DENND2C: variants seen among roughly 807,000 people sequenced by gnomAD.
The protein encoded by DENND2C is DENN domain-containing protein 2C.
DENND2C carries 72 observed loss-of-function variants against 112.4 expected under a neutral mutation model. The ratio of observed to expected loss-of-function variants is 0.64; its 90% CI spans 0.53 to 0.78. DENND2C has a LOEUF of 0.78. DENND2C is among the 30% of genes least tolerant of loss of function. The probability of loss-of-function intolerance (pLI) is 0.00; values close to 1 mark genes in which losing one functional copy is unlikely to be tolerated. For synonymous variants in DENND2C, 329 were observed against 381.6 expected (o/e 0.86, Z 1.61); for missense variants, 992 against 1,113.8 (o/e 0.89, Z 1.56).
At chr1:114,595,765 G>T in intron 17 of DENND2C, 67 bp downstream of exon 17, 1 of 1,395,986 alleles carries the variant, frequency 7.2e-7, no homozygotes, top group Non-Finnish European at 1.0e-6. Context: ...TTCACATATT[G>T]TCTGTCCAAT....
intron 1 of DENND2C, among the ~76,000 whole-genome samples, chr1:114,662,792 CA>C (rs1031114706): frequency 3.3e-5 from 5 of 152,042 alleles, no homozygotes; most frequent in Non-Finnish European, 7.4e-5. Flanking sequence ...CCCATCTCTA[CA>C]AAAAGTTTTT....
chr1:114,597,446 A>T (rs1655374215), intron 16 of DENND2C, among the ~76,000 whole-genome samples: 1 of 151,786 alleles, frequency 6.6e-6, no homozygotes, highest in Non-Finnish European at 1.5e-5. Flanking sequence ...CTTCATCTCA[A>T]AAAGAAAAGA....
intron 2 of DENND2C, among the ~76,000 whole-genome samples, chr1:114,650,338 T>TGCAATTTTCAAGAATTTCA (rs1043731231): frequency 6.8e-6 from 1 of 146,348 alleles, no homozygotes; most frequent in Non-Finnish European, 1.5e-5. Context: ...AAAAAAAAGA[T>TGCAATTTTCAAGAATTTCA]GCAATTTTCA....
chr1:114,653,620 T>G (rs554785014), intron 2 of DENND2C, among the ~76,000 whole-genome samples: 9 of 152,184 alleles, frequency 5.9e-5, no homozygotes, highest in Admixed American at 1.3e-4. Flanking sequence ...ATTTTATAAC[T>G]TTTTATAATG....
intron 16 of DENND2C, among the ~76,000 whole-genome samples, chr1:114,598,246 GAA>G (rs1185534630): frequency 6.6e-6 from 1 of 152,108 alleles, no homozygotes; most frequent in Non-Finnish European, 1.5e-5. Context: ...GAATGGATAA[GAA>G]AATTGTGGTA....
At position 114,623,656 on chromosome 1, in the gene DENND2C, G is replaced by A. The variant is rs1319634746; in HGVS notation, c.807-13C>T. Reference sequence around the variant, plus strand: ...TTCAAAGGATTTCCTTAAAAAAGGAGATATATTTTAAAGTTATATCTTTCA... The same window carrying A: ...TTCAAAGGATTTCCTTAAAAAAGGAAATATATTTTAAAGTTATATCTTTCA... On this transcript the variant is annotated splice_polypyrimidine_tract_variant and intron_variant, in intron 4 of 20. Transcript: ENST00000393274. The A allele has an allele frequency of 1.9e-6, 3 of 1,571,202 alleles. No individual in the cohort carries two copies. The highest frequency in any genetic ancestry group is 1.2e-5 in the South Asian group (1 of 84,002).
chr1:114,666,638 A>G (rs1335191799), intron 1 of DENND2C, among the ~76,000 whole-genome samples: 1 of 152,118 alleles, frequency 6.6e-6, no homozygotes, highest in Non-Finnish European at 1.5e-5. Flanking sequence ...GTATTTTAGT[A>G]GAGATGGGGT....
rs1268654174 is a variant in DENND2C, at chr1:114,626,076, C to G, written c.-92G>C. On this transcript the variant is annotated 5_prime_UTR_variant, in exon 4 of 21. Coordinates refer to ENST00000393274, the MANE Select transcript of DENND2C (RefSeq NM_001256404.2). ...ATTGTATTCTTTATCCTGTCAGAAT[C>G]CAAATGATTCCAGTATTTTCCCTTC... 3 of 1,258,982 alleles carry G rather than the reference C, an allele frequency of 2.4e-6. No individual in the cohort carries two copies. Among genetic ancestry groups the G allele is most frequent in the Non-Finnish European group, 3.3e-6 (3 of 919,286 alleles). 78.0% of individuals were successfully genotyped at this position (1,258,982 alleles called of 1,614,324 possible).
intron 3 of DENND2C, among the ~76,000 whole-genome samples, chr1:114,629,350 T>A (rs1388212990): frequency 6.6e-6 from 1 of 152,242 alleles, no homozygotes; most frequent in African/African-American, 2.4e-5. Context: ...CAACCTCGGC[T>A]CACTGCAACC....
chr1:114,623,074 T>A lies in DENND2C; in HGVS notation c.969A>T (p.Glu323Asp). Residue 323 changes from glutamate (E) to aspartate (D), a missense_variant, in exon 6 of 21, where the codon GAA (glutamate) becomes GAT (aspartate). By Grantham distance (45) the Glu-to-Asp change is conservative. Around this residue, in one of 3 missense-constraint regions of DENND2C, gnomAD observed 470 missense variants for 472.7 expected, o/e 0.99. Coordinates refer to ENST00000393274, the MANE Select transcript of DENND2C (RefSeq NM_001256404.2). ...TAGGTAAAGGCTGCACTGGAATATC[T>A]TCATATGGATTTTCTTTGGTGGGAT... ...IIYPTKENPY[E>D]DIPVQPLPMW... The A allele has an allele frequency of 6.2e-7, 1 of 1,609,806 alleles. No homozygotes were observed. Among genetic ancestry groups the A allele is most frequent in the Middle Eastern group, 1.7e-4 (1 of 6,044 alleles).
intron 8 of DENND2C, among the ~76,000 whole-genome samples, chr1:114,612,526 T>G (rs1191819690): frequency 6.7e-6 from 1 of 150,292 alleles, no homozygotes; most frequent in Non-Finnish European, 1.5e-5. Context: ...GCTAATTTTT[T>G]TTTTTTTTTT....
At chr1:114,600,429 TTCTTATA>T (rs1655469029) in intron 14 of DENND2C, 77 bp from the exon 15 acceptor site, 1 of 1,559,476 alleles carries the variant, frequency 6.4e-7, no homozygotes, top group Non-Finnish European at 8.7e-7. Flanking sequence ...GATCCTGTTA[TTCTTATA>T]TAAGTTAAAT....
intron 1 of DENND2C, among the ~76,000 whole-genome samples, chr1:114,663,694 G>A (rs1657563920): frequency 6.6e-6 from 1 of 152,184 alleles, no homozygotes; most frequent in African/African-American, 2.4e-5. Context: ...TAATGGTTGG[G>A]TGGAAAGATC....
intron 19 of DENND2C, 25 bp from the exon 20 acceptor site, chr1:114,587,498 G>C (rs1175301261): frequency 6.2e-6 from 10 of 1,612,260 alleles, no homozygotes; most frequent in Non-Finnish European, 8.5e-6. Context: ...TCATGTTGGT[G>C]AAACTGTGTA....
intron 18 of DENND2C, chr1:114,588,677 A>C (rs1477950633): frequency 1.3e-5 from 2 of 152,242 alleles, no homozygotes; most frequent in South Asian, 4.1e-4. Context: ...TTAAACAAAC[A>C]ATACATATCT....
chr1:114,594,409 G>T, intron 18 of DENND2C, 64 bp downstream of exon 18: 2 of 1,307,568 alleles, frequency 1.5e-6, no homozygotes, highest in Non-Finnish European at 1.1e-6. Context: ...ATAGTGCTGG[G>T]CATTCAGTAA....
At chr1:114,612,719 C>T (rs954016604) in intron 8 of DENND2C, among the ~76,000 whole-genome samples, 4 of 152,108 alleles carry the variant, frequency 2.6e-5, no homozygotes, top group African/African-American at 9.7e-5. Flanking sequence ...AGGGTTTCAC[C>T]GTGTTGGTCA....
chr1:114,644,699 T>A (rs1158608063), intron 3 of DENND2C, among the ~76,000 whole-genome samples: 1 of 152,192 alleles, frequency 6.6e-6, no homozygotes. Flanking sequence ...GAGGAAGATA[T>A]CTTCATTTTC....
At chr1:114,598,232 T>C (rs1655396981) in intron 16 of DENND2C, among the ~76,000 whole-genome samples, 1 of 152,182 alleles carries the variant, frequency 6.6e-6, no homozygotes, top group Non-Finnish European at 1.5e-5. Flanking sequence ...AATGTTCAAC[T>C]GTAGAATGGA....
Sources: allele counts gnomAD v4.1 joint callset (sites outside exome capture counted in the v4.1 genomes callset), GRCh38; gene constraint gnomAD v4.1.1; regional missense constraint gnomAD v4.1.1; transcripts MANE v1.5; gene names NCBI Gene and HGNC (gene_info 2026-07-23, HGNC 2026-07-21).